Variants in FAM193A observed in about 807,000 individuals in gnomAD.
The protein encoded by FAM193A is protein FAM193A.
In FAM193A, 22 loss-of-function variants were observed where a neutral mutation model predicts 126.5. The ratio of observed to expected loss-of-function variants is 0.17; its 90% CI spans 0.12 to 0.25. The LOEUF (loss-of-function observed/expected upper bound fraction) is 0.25. FAM193A is among the 10% of genes least tolerant of loss of function. The pLI is 1.00. For synonymous variants in FAM193A, 761 were observed against 646.8 expected (o/e 1.18, Z -2.68); for missense variants, 1,675 against 1,672.8 (o/e 1.00, Z -0.02).
intron 1 of FAM193A, among the ~76,000 whole-genome samples, chr4:2,572,111 G>A (rs1739324576): frequency 6.7e-6 from 1 of 149,756 alleles, no homozygotes; most frequent in African/African-American, 2.5e-5. Flanking sequence ...GTTGCAGTGA[G>A]CCGAGATTAC....
chr4:2,680,212 G>A (rs896880845), intron 13 of FAM193A, among the ~76,000 whole-genome samples: 1 of 152,166 alleles, frequency 6.6e-6, no homozygotes, highest in Non-Finnish European at 1.5e-5. Context: ...TTACAGGTCT[G>A]TTCAGACTTT....
chr4:2,723,999 A>G (rs1720455377), intron 20 of FAM193A, among the ~76,000 whole-genome samples: 1 of 150,288 alleles, frequency 6.7e-6, no homozygotes, highest in African/African-American at 2.5e-5. Context: ...CAGAAGACAT[A>G]ATGAAAATGG....
chr4:2,662,014 T>G (rs1712509965), intron 10 of FAM193A, among the ~76,000 whole-genome samples: 1 of 151,968 alleles, frequency 6.6e-6, no homozygotes. Flanking sequence ...AAACCCCATC[T>G]CTACTAAAAA....
At chr4:2,608,983 C>T (rs1003989222) in intron 2 of FAM193A, among the ~76,000 whole-genome samples, 2 of 151,396 alleles carry the variant, frequency 1.3e-5, no homozygotes, top group South Asian at 2.1e-4. Context: ...CTCTGCCTCC[C>T]GGGTTCACGC....
At chr4:2,558,815 A>C (rs1485417032) in intron 1 of FAM193A, among the ~76,000 whole-genome samples, 1 of 152,216 alleles carries the variant, frequency 6.6e-6, no homozygotes, top group Non-Finnish European at 1.5e-5. Context: ...AGCCTGGCCA[A>C]CATGGTGAAA....
intron 1 of FAM193A, among the ~76,000 whole-genome samples, chr4:2,556,241 C>T (rs1738252679): frequency 6.7e-6 from 1 of 148,154 alleles, no homozygotes; most frequent in South Asian, 2.1e-4. Context: ...GCGTCTCGCT[C>T]TGTTGCCAGG....
intron 19 of FAM193A, among the ~76,000 whole-genome samples, chr4:2,710,399 T>A (rs1232982059): frequency 6.6e-6 from 1 of 152,140 alleles, no homozygotes; most frequent in African/African-American, 2.4e-5. Context: ...GGTCTCCATC[T>A]CCTGACCTCA....
rs113389201 is a variant in FAM193A, at chr4:2,694,774, C to T, written c.3093-172C>T. 3.0e-3 allele frequency among the ~76,000 whole-genome samples: 461 copies of T among 152,252 alleles called. 4 individuals carry two copies. The highest frequency in any genetic ancestry group is 8.8e-3 in the African/African-American group (365 of 41,548). Reference sequence around the variant, plus strand: ...GCATGCGCACACGCCATGTCTCCCACGTGAGCCCCTTGCTGCTTGTGTATG... The same window carrying T: ...GCATGCGCACACGCCATGTCTCCCATGTGAGCCCCTTGCTGCTTGTGTATG... On this transcript the variant is annotated intron_variant, in intron 16 of 20. Transcript: ENST00000637812.
At chr4:2,612,671 A>C (rs990195648) in intron 2 of FAM193A, among the ~76,000 whole-genome samples, 1 of 152,170 alleles carries the variant, frequency 6.6e-6, no homozygotes, top group Non-Finnish European at 1.5e-5. Flanking sequence ...AGAACTATTT[A>C]TTGAAAAGAC....
chr4:2,590,471 AAAAACAAAAAAAAACAAAAAAAAAC>A (rs1373451219), intron 1 of FAM193A, among the ~76,000 whole-genome samples: 10 of 92,312 alleles, frequency 1.1e-4, no homozygotes, highest in African/African-American at 2.3e-4. Context: ...CTCAAAAAAA[AAAAACAAAAAAAAACAAAAAAAAAC>A]AAAAAAAAAC....
intron 8 of FAM193A, among the ~76,000 whole-genome samples, chr4:2,658,367 T>C (rs1208586771): frequency 6.6e-6 from 1 of 152,102 alleles, no homozygotes; most frequent in Non-Finnish European, 1.5e-5. Flanking sequence ...GACTCTCCCT[T>C]CCTCATCTTC....
chr4:2,538,685 G>C (rs1180944640), intron 1 of FAM193A, among the ~76,000 whole-genome samples: 2 of 150,716 alleles, frequency 1.3e-5, no homozygotes, highest in Admixed American at 6.7e-5. Context: ...GTAGGGGAGG[G>C]CGGGGGGGGT....
At chr4:2,590,508 A>AC (rs1208557857) in intron 1 of FAM193A, among the ~76,000 whole-genome samples, 1 of 131,184 alleles carries the variant, frequency 7.6e-6, no homozygotes, top group African/African-American at 3.8e-5. Flanking sequence ...AAAAAAAACA[A>AC]AAAAAAAACA....
intron 1 of FAM193A, among the ~76,000 whole-genome samples, chr4:2,594,729 T>G (rs1740753064): frequency 6.7e-6 from 1 of 150,008 alleles, no homozygotes; most frequent in African/African-American, 2.5e-5. Flanking sequence ...ATCCTGTGTC[T>G]CCCCCGACAC....
Position 2,693,818 on chromosome 4 carries a change from T to C in FAM193A, c.3036T>C (p.Pro1012=). 1 of 1,614,248 alleles carries C rather than the reference T, an allele frequency of 6.2e-7. No homozygotes were observed. The highest frequency in any genetic ancestry group is 8.5e-7 in the Non-Finnish European group (1 of 1,180,042). Residue 1012 remains proline (P), a synonymous_variant, in exon 16 of 21, where the codon CCT becomes CCC. Transcript: ENST00000637812. ...GFVDTRKSFC[P]APLPPATDGS... is the part of the protein sequence containing the mutation. The stretch of plus-strand genomic sequence containing the variant: ...TGGACACACGCAAGAGTTTCTGTCC[T>C]GCACCCCTACCCCCGGCCACAGATG...
At position 2,662,837 on chromosome 4, in the gene FAM193A, G is replaced by A; in HGVS notation, c.1746-1G>A. On this transcript the variant is annotated splice_acceptor_variant, in intron 10 of 20. Transcript: ENST00000637812. LOFTEE classifies it high-confidence loss of function. ...ACAGTGACCATCTCTGCTTGTGTCA[G>A]TTGTAGTGATGATGAAGATGTTGCA... The A allele has an allele frequency of 6.2e-7, 1 of 1,607,672 alleles. No individual in the cohort carries two copies. Among genetic ancestry groups the A allele is most frequent in the Non-Finnish European group, 8.5e-7 (1 of 1,174,510 alleles).
At chr4:2,545,067 A>G (rs1737464034) in intron 1 of FAM193A, among the ~76,000 whole-genome samples, 1 of 151,580 alleles carries the variant, frequency 6.6e-6, no homozygotes, top group African/African-American at 2.4e-5. Flanking sequence ...ATCTCGGCTC[A>G]CTGCAACCTC....
intron 20 of FAM193A, among the ~76,000 whole-genome samples, chr4:2,727,098 A>T (rs1422804360): frequency 6.6e-6 from 1 of 152,068 alleles, no homozygotes; most frequent in African/African-American, 2.4e-5. Context: ...GTTTCTACTA[A>T]AAGTACAAAA....
At chr4:2,617,067 C>T (rs1742231896) in intron 2 of FAM193A, among the ~76,000 whole-genome samples, 1 of 139,638 alleles carries the variant, frequency 7.2e-6, no homozygotes, top group African/African-American at 2.7e-5. Context: ...ACTCAGGAGG[C>T]TGAGGCTGGA....
Sources: gnomAD v4.1 joint callset for allele counts (sites outside exome capture counted in the v4.1 genomes callset) on GRCh38, gnomAD v4.1.1 for gene constraint, MANE v1.5 for transcripts, NCBI Gene and HGNC (gene_info 2026-07-23, HGNC 2026-07-21) for gene names.